The following MEIS2 variants were observed in gnomAD, a reference collection of about 807,000 sequenced individuals.
MEIS2 encodes homeobox protein Meis2.
MEIS2 carries 9 observed loss-of-function variants against 58.6 expected under a neutral mutation model. The observed-to-expected ratio is 0.15, with a 90% CI of 0.09 to 0.27. The LOEUF (loss-of-function observed/expected upper bound fraction) is 0.27. Ranked by LOEUF, MEIS2 falls within the 10% of genes least tolerant of loss-of-function variation. MEIS2 has a pLI of 1.00. For synonymous variants in MEIS2, 221 were observed against 228.4 expected (o/e 0.97, Z 0.29); for missense variants, 427 against 635.0 (o/e 0.67, Z 3.52).
chr15:36,962,813 C>A (rs970744742), intron 8 of MEIS2, among the ~76,000 whole-genome samples: 1 of 152,200 alleles, frequency 6.6e-6, no homozygotes, highest in East Asian at 1.9e-4. Flanking sequence ...TAGCAAAACA[C>A]TTAAGGATTG....
intron 7 of MEIS2, among the ~76,000 whole-genome samples, chr15:37,068,430 C>T (rs536862395): frequency 4.0e-4 from 61 of 152,142 alleles, no homozygotes; most frequent in Non-Finnish European, 7.2e-4. Context: ...TAATGAGGAA[C>T]GAAACCCTAT....
intron 9 of MEIS2, among the ~76,000 whole-genome samples, chr15:36,930,969 A>T (rs2057954588): frequency 6.6e-6 from 1 of 152,340 alleles, no homozygotes; most frequent in East Asian, 1.9e-4. Flanking sequence ...AATGGTAGGC[A>T]TCAAAATTGC....
intron 8 of MEIS2, among the ~76,000 whole-genome samples, chr15:36,970,244 A>C (rs987168237): frequency 1.3e-5 from 2 of 152,076 alleles, no homozygotes; most frequent in African/African-American, 4.8e-5. Context: ...TCTACTAAAA[A>C]TACAAAAAAA....
chr15:37,003,816 C>T (rs2060822417), intron 8 of MEIS2, among the ~76,000 whole-genome samples: 1 of 152,080 alleles, frequency 6.6e-6, no homozygotes, highest in Admixed American at 6.6e-5. Flanking sequence ...GGGATTAGTG[C>T]CTTTATAAAA....
intron 9 of MEIS2, among the ~76,000 whole-genome samples, chr15:36,945,264 G>GCACCC (rs1940040291): frequency 1.3e-5 from 2 of 151,930 alleles, no homozygotes; most frequent in Non-Finnish European, 2.9e-5. Flanking sequence ...AAGCATCTGG[G>GCACCC]CACCCAAATC....
chr15:37,070,369 A>G (rs1186932532), intron 7 of MEIS2, among the ~76,000 whole-genome samples: 1 of 152,180 alleles, frequency 6.6e-6, no homozygotes, highest in African/African-American at 2.4e-5. Context: ...AGGTACTTCA[A>G]TGAGAGAAGC....
intron 8 of MEIS2, among the ~76,000 whole-genome samples, chr15:37,005,568 G>A (rs1293789663): frequency 6.6e-6 from 1 of 152,008 alleles, no homozygotes; most frequent in Non-Finnish European, 1.5e-5. Flanking sequence ...CATCATGATG[G>A]AACTTTTTTT....
intron 9 of MEIS2, among the ~76,000 whole-genome samples, chr15:36,909,130 T>A (rs2056882410): frequency 6.6e-6 from 1 of 152,158 alleles, no homozygotes; most frequent in Non-Finnish European, 1.5e-5. Flanking sequence ...GGCTTTCTGC[T>A]ATGGCCATCT....
intron 8 of MEIS2, among the ~76,000 whole-genome samples, chr15:37,016,786 G>A (rs2061363970): frequency 6.6e-6 from 1 of 152,144 alleles, no homozygotes; most frequent in Non-Finnish European, 1.5e-5. Flanking sequence ...ATGCAATGGT[G>A]TCCCCCAAAA....
chr15:37,072,114 A>C (rs1890786410), intron 7 of MEIS2, among the ~76,000 whole-genome samples: 1 of 152,028 alleles, frequency 6.6e-6, no homozygotes, highest in African/African-American at 2.4e-5. Context: ...CCCACCTTCT[A>C]GACTATTAAT....
chr15:37,000,860 G>C (rs2060698989), intron 8 of MEIS2, among the ~76,000 whole-genome samples: 1 of 152,072 alleles, frequency 6.6e-6, no homozygotes, highest in Non-Finnish European at 1.5e-5. Flanking sequence ...TCCCAAGCTA[G>C]GATCCTCTCT....
intron 8 of MEIS2, among the ~76,000 whole-genome samples, chr15:36,966,729 A>G (rs1173150923): frequency 6.6e-6 from 1 of 152,206 alleles, no homozygotes; most frequent in African/African-American, 2.4e-5. Context: ...AATGAAAAAT[A>G]CAGAATCTCT....
intron 8 of MEIS2, among the ~76,000 whole-genome samples, chr15:36,956,304 G>A (rs1346443647): frequency 6.6e-6 from 1 of 151,936 alleles, no homozygotes; most frequent in African/African-American, 2.4e-5. Flanking sequence ...TCTACATCAG[G>A]TCATATAAAT....
chr15:37,001,817 G>T (rs982418933), intron 8 of MEIS2, among the ~76,000 whole-genome samples: 18 of 152,164 alleles, frequency 1.2e-4, no homozygotes, highest in Admixed American at 3.9e-4. Context: ...AGAATAAGAG[G>T]TTCGATATAC....
intron 9 of MEIS2, among the ~76,000 whole-genome samples, chr15:36,915,621 A>G (rs1400127349): frequency 6.6e-6 from 1 of 152,222 alleles, no homozygotes; most frequent in Non-Finnish European, 1.5e-5. Context: ...GAGAATCGTC[A>G]GCTGCTCAGT....
At chr15:36,992,888 G>A (rs1412830403) in intron 8 of MEIS2, among the ~76,000 whole-genome samples, 1 of 152,074 alleles carries the variant, frequency 6.6e-6, no homozygotes, top group African/African-American at 2.4e-5. Flanking sequence ...TAATCAAAAG[G>A]TAATCATATT....
intron 9 of MEIS2, among the ~76,000 whole-genome samples, chr15:36,920,919 C>T (rs964211997): frequency 7.2e-5 from 11 of 151,912 alleles, no homozygotes; most frequent in African/African-American, 1.2e-4. Context: ...CGCTCACGGC[C>T]GGGAGGTAAC....
chr15:36,927,652 G>A (rs997870672), intron 9 of MEIS2, among the ~76,000 whole-genome samples: 6 of 151,852 alleles, frequency 4.0e-5, no homozygotes, highest in African/African-American at 1.5e-4. Context: ...TATGACAGTC[G>A]GAGGGATGAG....
chr15:37,016,904 T>C (rs573268648), intron 8 of MEIS2, among the ~76,000 whole-genome samples: 282 of 152,364 alleles, frequency 1.9e-3, no homozygotes, highest in African/African-American at 6.5e-3. Context: ...TTGATTTAAG[T>C]GAATTGTAAA....
Sources: gnomAD v4.1 joint callset for allele counts (sites outside exome capture counted in the v4.1 genomes callset) on GRCh38, gnomAD v4.1.1 for gene constraint, MANE v1.5 for transcripts, NCBI Gene and HGNC (gene_info 2026-07-23, HGNC 2026-07-21) for gene names.